The following RPSA2 variants were observed in gnomAD, a reference collection of about 807,000 sequenced individuals.
RPSA2 encodes the protein ribosomal protein SA 2.
chr19:23,841,759 G>A, the RPSA2 span, among the ~76,000 whole-genome samples: 1 of 152,274 alleles, frequency 6.6e-6, no homozygotes, highest in Non-Finnish European at 1.5e-5. Flanking sequence ...ACCTGTCTGT[G>A]TACTCCTTAC....
chr19:23,771,923 G>C, the RPSA2 span, among the ~76,000 whole-genome samples: 148,945 of 152,278 alleles, frequency 0.98, 72,933 homozygotes, highest in Middle Eastern at 1. Flanking sequence ...ATGTAATTCT[G>C]TTTTTCTGCC....
At chr19:23,847,898 A>T in the RPSA2 span, among the ~76,000 whole-genome samples, 1 of 152,174 alleles carries the variant, frequency 6.6e-6, no homozygotes, top group Non-Finnish European at 1.5e-5. Flanking sequence ...CTACTTGCAC[A>T]TCCATTTATA....
At chr19:23,809,912 T>G in the RPSA2 span, among the ~76,000 whole-genome samples, 1 of 152,216 alleles carries the variant, frequency 6.6e-6, no homozygotes, top group Admixed American at 6.5e-5. Context: ...CAATGGGGTC[T>G]GTAAATTTAA....
the RPSA2 span, chr19:23,843,161 CT>C: frequency 5.3e-6 from 1 of 188,292 alleles, no homozygotes; most frequent in South Asian, 9.9e-5. Context: ...ATCATGTTAA[CT>C]TTTTTCTAAC....
At chr19:23,804,882 G>A in the RPSA2 span, among the ~76,000 whole-genome samples, 7 of 152,116 alleles carry the variant, frequency 4.6e-5, no homozygotes, top group African/African-American at 1.7e-4. Context: ...CTGGGTGAAA[G>A]CATCTATTTG....
chr19:23,797,236 A>G, the RPSA2 span, among the ~76,000 whole-genome samples: 1 of 152,040 alleles, frequency 6.6e-6, no homozygotes, highest in Non-Finnish European at 1.5e-5. Flanking sequence ...CAGCCTCCCA[A>G]GTAGCTAGGA....
chr19:23,832,178 C>A, the RPSA2 span: 1 of 422,104 alleles, frequency 2.4e-6, no homozygotes, highest in East Asian at 6.6e-5. Flanking sequence ...CAGCCCTCAA[C>A]CCTAACTAGA....
the RPSA2 span, chr19:23,827,221 A>G: frequency 2.2e-6 from 2 of 889,672 alleles, no homozygotes; most frequent in East Asian, 5.1e-5. Context: ...AGTTCCTTGC[A>G]GCAGGAACCC....
At chr19:23,816,269 G>T in the RPSA2 span, among the ~76,000 whole-genome samples, 1 of 151,986 alleles carries the variant, frequency 6.6e-6, no homozygotes, top group Non-Finnish European at 1.5e-5. Flanking sequence ...AGGTAGCTGG[G>T]TTACAAGTGT....
chr19:23,869,129 G>A, the RPSA2 span, among the ~76,000 whole-genome samples: 14 of 152,182 alleles, frequency 9.2e-5, no homozygotes, highest in African/African-American at 3.4e-4. Flanking sequence ...GTACTTTGGA[G>A]TGACACTCCT....
the RPSA2 span, among the ~76,000 whole-genome samples, chr19:23,806,043 C>CTTTT: frequency 3.4e-5 from 2 of 58,202 alleles, no homozygotes; most frequent in South Asian, 8.3e-4. Flanking sequence ...ATCCTTCTTT[C>CTTTT]TTTCTTTTTT....
the RPSA2 span, among the ~76,000 whole-genome samples, chr19:23,781,009 CTG>C: frequency 6.6e-6 from 1 of 152,320 alleles, no homozygotes; most frequent in Admixed American, 6.5e-5. Flanking sequence ...CAGTCTCGCT[CTG>C]TCACCCAGGC....
the RPSA2 span, among the ~76,000 whole-genome samples, chr19:23,866,518 C>CA: frequency 2.1e-5 from 3 of 145,124 alleles, no homozygotes; most frequent in Non-Finnish European, 4.6e-5. Context: ...GTGGTGCCCC[C>CA]CCCCGCCCAG....
At chr19:23,836,315 A>G in the RPSA2 span, among the ~76,000 whole-genome samples, 1 of 152,060 alleles carries the variant, frequency 6.6e-6, no homozygotes, top group Non-Finnish European at 1.5e-5. Context: ...GTTATTGCAA[A>G]TGCTTTTAAT....
chr19:23,846,197 A>G, the RPSA2 span, among the ~76,000 whole-genome samples: 1 of 152,070 alleles, frequency 6.6e-6, no homozygotes, highest in South Asian at 2.1e-4. Context: ...CTTTTAGTTT[A>G]TATGTATCTT....
At chr19:23,858,954 G>A in the RPSA2 span, among the ~76,000 whole-genome samples, 1 of 152,170 alleles carries the variant, frequency 6.6e-6, no homozygotes, top group Non-Finnish European at 1.5e-5. Context: ...CTGAGGGCTG[G>A]AAGTCCCACT....
At chr19:23,831,263 A>C in the RPSA2 span, among the ~76,000 whole-genome samples, 12 of 152,328 alleles carry the variant, frequency 7.9e-5, no homozygotes, top group African/African-American at 2.9e-4. Context: ...GCTTTCTTTT[A>C]AAACAGAAAC....
the RPSA2 span, among the ~76,000 whole-genome samples, chr19:23,825,650 G>T: frequency 6.6e-6 from 1 of 151,982 alleles, no homozygotes; most frequent in Non-Finnish European, 1.5e-5. Flanking sequence ...GTAATGGCGC[G>T]ATCTCAGCTC....
At chr19:23,809,983 G>A in the RPSA2 span, among the ~76,000 whole-genome samples, 2 of 6,476 alleles carry the variant, frequency 3.1e-4, no homozygotes, top group African/African-American at 3.4e-4. Flanking sequence ...ATAAATTTTT[G>A]TTTGGCCCCC....
Sources: gnomAD v4.1 joint callset for allele counts (sites outside exome capture counted in the v4.1 genomes callset) on GRCh38, gnomAD v4.1.1 for gene constraint, MANE v1.5 for transcripts, NCBI Gene and HGNC (gene_info 2026-07-23, HGNC 2026-07-21) for gene names.